EIF2B3: variants seen among roughly 807,000 people sequenced by gnomAD.
EIF2B3 encodes the protein eukaryotic translation initiation factor 2B subunit gamma, also known as translation initiation factor eIF2B subunit gamma.
A neutral mutation model predicts 54.1 loss-of-function variants in EIF2B3; 20 were observed. The ratio of observed to expected loss-of-function variants is 0.37; its 90% CI spans 0.26 to 0.54. EIF2B3 has a LOEUF of 0.54. Ranked by LOEUF, EIF2B3 falls within the 20% of genes least tolerant of loss-of-function variation. The pLI, the probability that EIF2B3 is intolerant of heterozygous loss-of-function variation, is 0.86. For synonymous variants in EIF2B3, 153 were observed against 188.1 expected (o/e 0.81, Z 1.52); for missense variants, 448 against 547.8 (o/e 0.82, Z 1.82).
chr1:44,873,859 A>G (rs1655039275), intron 10 of EIF2B3, among the ~76,000 whole-genome samples: 1 of 151,348 alleles, frequency 6.6e-6, no homozygotes, highest in African/African-American at 2.4e-5. Flanking sequence ...CATGTTGGCC[A>G]GGCTAATCTC....
At chr1:44,974,983 AG>A (rs1433537566) in intron 3 of EIF2B3, among the ~76,000 whole-genome samples, 75 of 151,702 alleles carry the variant, frequency 4.9e-4, no homozygotes, top group African/African-American at 1.8e-3. Context: ...AGGAGACTGA[AG>A]TGGGAGGACA....
rs868175634 is a variant in EIF2B3, at chr1:44,963,240, C to A, written c.294+15075G>T. Among the ~76,000 whole-genome samples the A allele has an allele frequency of 2.5e-3, 363 of 147,666 alleles. 1 individual carries two copies. The highest frequency in any genetic ancestry group is 8.7e-3 in the African/African-American group (343 of 39,636). On this transcript the variant is annotated intron_variant, in intron 3 of 11. Coordinates refer to ENST00000360403, the MANE Select transcript of EIF2B3 (RefSeq NM_020365.5). ...AAAACAAAAACAAAAACAAAAAAAA[C>A]AAAACAAAAAAAAACCCCAGAAAAC...
At chr1:44,922,836 ATT>A (rs386366852) in intron 5 of EIF2B3, among the ~76,000 whole-genome samples, 5 of 56,654 alleles carry the variant, frequency 8.8e-5, no homozygotes, top group East Asian at 6.6e-4. Flanking sequence ...TCTTTTTCAG[ATT>A]TTTTTTTTTT....
chr1:44,874,043 T>A (rs1409417456), intron 10 of EIF2B3, among the ~76,000 whole-genome samples: 1 of 150,186 alleles, frequency 6.7e-6, no homozygotes, highest in Non-Finnish European at 1.5e-5. Flanking sequence ...ATCTGAACTC[T>A]CAAATGTTCC....
intron 8 of EIF2B3, among the ~76,000 whole-genome samples, chr1:44,878,097 T>C (rs1365888295): frequency 1.3e-5 from 2 of 152,180 alleles, no homozygotes; most frequent in African/African-American, 4.8e-5. Flanking sequence ...GCGTGAAAGA[T>C]GCTAGTCATG....
At chr1:44,875,584 A>T in intron 9 of EIF2B3, 34 bp downstream of exon 9, 1 of 1,605,126 alleles carries the variant, frequency 6.2e-7, no homozygotes, top group Non-Finnish European at 8.5e-7. Flanking sequence ...CCCAAAGAAC[A>T]TCTCATGCCC....
intron 3 of EIF2B3, among the ~76,000 whole-genome samples, chr1:44,949,284 G>A (rs1557700276): frequency 1.3e-5 from 2 of 152,106 alleles, no homozygotes; most frequent in Non-Finnish European, 1.5e-5. Context: ...ACTAGAAAGG[G>A]CAGAGCCGAT....
intron 5 of EIF2B3, among the ~76,000 whole-genome samples, chr1:44,905,051 T>C (rs115693316): frequency 2.0e-5 from 3 of 152,316 alleles, no homozygotes; most frequent in Non-Finnish European, 2.9e-5. Flanking sequence ...GGTGTGGCTA[T>C]CTGGTATTTG....
chr1:44,986,173 T>C (rs1389814082), intron 1 of EIF2B3, among the ~76,000 whole-genome samples: 1 of 148,988 alleles, frequency 6.7e-6, no homozygotes, highest in Non-Finnish European at 1.5e-5. Context: ...AGAGTCTCAC[T>C]ATGTTGCCCA....
intron 3 of EIF2B3, among the ~76,000 whole-genome samples, chr1:44,949,242 T>C (rs745898996): frequency 3.7e-4 from 57 of 152,196 alleles, no homozygotes; most frequent in Non-Finnish European, 7.3e-4. Context: ...TATTATATAT[T>C]TATCCATCAA....
intron 3 of EIF2B3, among the ~76,000 whole-genome samples, chr1:44,943,696 G>C (rs1232024595): frequency 1.3e-5 from 2 of 151,196 alleles, no homozygotes; most frequent in East Asian, 4.0e-4. Context: ...AGTGCTAGGA[G>C]TACAGGCGTG....
Position 44,862,751 on chromosome 1 carries a change from T to A in EIF2B3, c.1203-4944A>T, listed in dbSNP as rs192124897. On this transcript the variant is annotated intron_variant, in intron 10 of 11. Transcript: ENST00000360403. Reference sequence around the variant, plus strand: ...TAGCTGGAATTACAGGCATCTGCCATCATGCCCGGCTAATTTTTTGTATTT... The same window carrying A: ...TAGCTGGAATTACAGGCATCTGCCAACATGCCCGGCTAATTTTTTGTATTT... Among the ~76,000 whole-genome samples, 7 of 152,180 alleles carry A rather than the reference T, an allele frequency of 4.6e-5. No individual in the cohort carries two copies. The East Asian group carries it at 1.2e-3, about 25-fold the overall frequency.
intron 6 of EIF2B3, among the ~76,000 whole-genome samples, chr1:44,885,162 C>CT (rs1419715349): frequency 6.6e-6 from 1 of 152,150 alleles, no homozygotes; most frequent in African/African-American, 2.4e-5. Flanking sequence ...CTAGAAACAC[C>CT]TGTCTTATCT....
At chr1:44,917,189 T>C (rs1437587273) in intron 5 of EIF2B3, among the ~76,000 whole-genome samples, 1 of 152,112 alleles carries the variant, frequency 6.6e-6, no homozygotes, top group Non-Finnish European at 1.5e-5. Context: ...TAGAACACAC[T>C]ATACTCTTAA....
At chr1:44,923,795 TTCTC>T (rs1384119290) in intron 5 of EIF2B3, among the ~76,000 whole-genome samples, 1 of 151,634 alleles carries the variant, frequency 6.6e-6, no homozygotes, top group East Asian at 1.9e-4. Context: ...CTCCTTCTCT[TTCTC>T]TCTTTCTTTC....
At chr1:44,911,514 C>T (rs1487188247) in intron 5 of EIF2B3, among the ~76,000 whole-genome samples, 2 of 152,148 alleles carry the variant, frequency 1.3e-5, no homozygotes, top group African/African-American at 4.8e-5. Context: ...TTCTTTGCTC[C>T]CATCATGCCC....
At chr1:44,871,869 A>G (rs1253566187) in intron 10 of EIF2B3, among the ~76,000 whole-genome samples, 2 of 146,748 alleles carry the variant, frequency 1.4e-5, no homozygotes, top group Admixed American at 1.4e-4. Context: ...TTCATACTTC[A>G]CAATCTTTTT....
chr1:44,866,043 A>G (rs1209168156), intron 10 of EIF2B3, among the ~76,000 whole-genome samples: 2 of 152,106 alleles, frequency 1.3e-5, no homozygotes, highest in African/African-American at 4.8e-5. Context: ...TGCTTATAAG[A>G]TATCTACTAC....
Position 44,881,709 on chromosome 1 carries a change from A to C in EIF2B3, c.687T>G (p.Ile229Met), listed in dbSNP as rs538917969. The change falls in exon 7 of 12, where the codon ATT becomes ATG. Residue 229 changes from isoleucine to methionine, a missense_variant. This residue lies in a region of EIF2B3 where 350 missense variants were observed against 414.2 expected (regional missense o/e 0.85). Coordinates refer to ENST00000360403, the MANE Select transcript of EIF2B3 (RefSeq NM_020365.5). The surrounding 1 kb of genome is among the most constrained non-coding windows in gnomAD (Gnocchi z 4.0). ...AAAACTGTTTTCTCACTAAATATGG[A>C]ATCAGTTCACTCCGGATAGAAGTTA... ...GSITSIRSEL[I>M]PYLVRKQFSS... 53 of 1,614,190 alleles carry C rather than the reference A, an allele frequency of 3.3e-5. No homozygotes were observed. In the South Asian group the frequency reaches 4.3e-4, roughly 13 times the overall value.
Sources: allele counts gnomAD v4.1 joint callset (sites outside exome capture counted in the v4.1 genomes callset), GRCh38; gene constraint gnomAD v4.1.1; regional missense constraint gnomAD v4.1.1; non-coding constraint Gnocchi (gnomAD v3.1); transcripts MANE v1.5; gene names NCBI Gene and HGNC (gene_info 2026-07-23, HGNC 2026-07-21).